RTN1: variants seen among roughly 807,000 people sequenced by gnomAD.
RTN1 encodes the protein reticulon 1.
Under a neutral mutation model 65.5 loss-of-function variants are expected in RTN1, and 25 were observed. The observed-to-expected ratio is 0.38, with a 90% CI of 0.28 to 0.53. The LOEUF is 0.53. Among genes scored for constraint, RTN1 ranks in the 20% least tolerant of loss-of-function variants. RTN1 has a pLI of 0.79. For synonymous variants in RTN1, 471 were observed against 447.6 expected (o/e 1.05, Z -0.66); for missense variants, 983 against 1,025.4 (o/e 0.96, Z 0.57).
chr14:59,710,846 T>C (rs1271852777), intron 3 of RTN1, among the ~76,000 whole-genome samples: 1 of 152,190 alleles, frequency 6.6e-6, no homozygotes, highest in Non-Finnish European at 1.5e-5. Flanking sequence ...AACAATCCAA[T>C]TATAGAATGT....
chr14:59,721,173 C>T (rs1344783263), intron 3 of RTN1, among the ~76,000 whole-genome samples: 1 of 152,174 alleles, frequency 6.6e-6, no homozygotes, highest in African/African-American at 2.4e-5. Context: ...AGACCTCCAC[C>T]TGGTAGCCAT....
At chr14:59,630,654 G>C (rs1882526370) in intron 3 of RTN1, 1 of 1,256,212 alleles carries the variant, frequency 8.0e-7, no homozygotes, top group Non-Finnish European at 1.0e-6. Context: ...GCGGTGAGGG[G>C]CGGGAGCGTC....
chr14:59,609,336 T>G (rs1881872568), intron 3 of RTN1, among the ~76,000 whole-genome samples: 1 of 152,100 alleles, frequency 6.6e-6, no homozygotes, highest in Non-Finnish European at 1.5e-5. Flanking sequence ...TTCTTTTTTT[T>G]TTTTTGATGC....
chr14:59,717,045 AATAGAC>A (rs1022025774), intron 3 of RTN1, among the ~76,000 whole-genome samples: 2 of 152,072 alleles, frequency 1.3e-5, no homozygotes, highest in African/African-American at 4.8e-5. Flanking sequence ...ACTGGATGGC[AATAGAC>A]ATTAACAGTG....
chr14:59,754,802 G>T (rs1411050194), intron 1 of RTN1, among the ~76,000 whole-genome samples: 1 of 152,088 alleles, frequency 6.6e-6, no homozygotes, highest in East Asian at 1.9e-4. Context: ...TGGGCCAGAA[G>T]GAGTTTCATG....
chr14:59,601,039 T>G (rs1481579175), intron 8 of RTN1, among the ~76,000 whole-genome samples: 1 of 151,502 alleles, frequency 6.6e-6, no homozygotes, highest in Non-Finnish European at 1.5e-5. Flanking sequence ...ATGATATCAA[T>G]CCCCTGCTTA....
At chr14:59,820,145 G>A (rs1427246661) in intron 1 of RTN1, among the ~76,000 whole-genome samples, 1 of 152,166 alleles carries the variant, frequency 6.6e-6, no homozygotes, top group African/African-American at 2.4e-5. Context: ...TCTGATGAGT[G>A]GTAATGTTAA....
intron 1 of RTN1, among the ~76,000 whole-genome samples, chr14:59,749,735 A>ACATATATATC (rs1885392901): frequency 1.2e-5 from 1 of 82,164 alleles, no homozygotes; most frequent in Non-Finnish European, 2.1e-5. Flanking sequence ...CTATATATTT[A>ACATATATATC]TATATATATC....
chr14:59,864,926 A>G (rs1887772005), intron 1 of RTN1, among the ~76,000 whole-genome samples: 1 of 152,078 alleles, frequency 6.6e-6, no homozygotes, highest in Non-Finnish European at 1.5e-5. Context: ...TCGCAATGCT[A>G]CCCTGTAGCA....
At chr14:59,845,617 A>G (rs1887394106) in intron 1 of RTN1, among the ~76,000 whole-genome samples, 1 of 151,998 alleles carries the variant, frequency 6.6e-6, no homozygotes, top group African/African-American at 2.4e-5. Flanking sequence ...ATACCAAATT[A>G]CTCTCTATTG....
At chr14:59,632,565 A>C (rs559756828) in intron 3 of RTN1, among the ~76,000 whole-genome samples, 2 of 106,012 alleles carry the variant, frequency 1.9e-5, no homozygotes, top group African/African-American at 7.1e-5. Context: ...TGCCAGTCCA[A>C]TGATAGCCCC....
At chr14:59,796,278 C>T (rs753616705) in intron 1 of RTN1, among the ~76,000 whole-genome samples, 3 of 152,056 alleles carry the variant, frequency 2.0e-5, no homozygotes, top group Non-Finnish European at 4.4e-5. Context: ...GCGAACTATA[C>T]CATCTAGGTT....
chr14:59,643,892 G>GA (rs35689536), intron 3 of RTN1, among the ~76,000 whole-genome samples: 52,800 of 150,106 alleles, frequency 0.35, 9,442 homozygotes, highest in Admixed American at 0.45. Context: ...CCATACTCAA[G>GA]AAAAAAAAAT....
At chr14:59,750,058 ACATATATT>A (rs1885415796) in intron 1 of RTN1, among the ~76,000 whole-genome samples, 1 of 56,770 alleles carries the variant, frequency 1.8e-5, no homozygotes, top group Admixed American at 3.5e-4. Flanking sequence ...TATATTATAT[ACATATATT>A]ATATATTATA....
intron 3 of RTN1, among the ~76,000 whole-genome samples, chr14:59,639,636 A>T (rs1882735014): frequency 6.6e-6 from 1 of 152,110 alleles, no homozygotes; most frequent in African/African-American, 2.4e-5. Flanking sequence ...TGTGCTCAAA[A>T]TTTTTACTAT....
chr14:59,792,396 CAT>C (rs1886365030), intron 1 of RTN1, among the ~76,000 whole-genome samples: 1 of 148,714 alleles, frequency 6.7e-6, no homozygotes, highest in Non-Finnish European at 1.5e-5. Flanking sequence ...CACACACACA[CAT>C]TCTGAGGTAA....
intron 3 of RTN1, among the ~76,000 whole-genome samples, chr14:59,628,989 T>G (rs942644749): frequency 6.6e-6 from 1 of 152,218 alleles, no homozygotes; most frequent in Non-Finnish European, 1.5e-5. Flanking sequence ...CAAGCCATAG[T>G]TGTTTGTCAG....
chr14:59,683,170 C>T (rs2140223058), intron 3 of RTN1, among the ~76,000 whole-genome samples: 1 of 152,144 alleles, frequency 6.6e-6, no homozygotes, highest in East Asian at 1.9e-4. Flanking sequence ...CAACTCTTTG[C>T]TTTTATATAG....
chr14:59,663,678 ACACT>A (rs1347135790), intron 3 of RTN1, among the ~76,000 whole-genome samples: 4 of 152,180 alleles, frequency 2.6e-5, no homozygotes, highest in Admixed American at 6.5e-5. Context: ...ATATGAACAG[ACACT>A]TCTCAATAGA....
Sources: allele counts gnomAD v4.1 joint callset (sites outside exome capture counted in the v4.1 genomes callset), GRCh38; gene constraint gnomAD v4.1.1; transcripts MANE v1.5; gene names NCBI Gene and HGNC (gene_info 2026-07-23, HGNC 2026-07-21).